AATF: variants seen among roughly 807,000 people sequenced by gnomAD.
AATF encodes protein AATF.
In AATF, 48 loss-of-function variants were observed where a neutral mutation model predicts 63.7. The ratio of observed to expected loss-of-function variants is 0.75; its 90% CI spans 0.60 to 0.96. The LOEUF (loss-of-function observed/expected upper bound fraction) is 0.96, where lower values mean the gene tolerates loss of function less well. Ranked by LOEUF, AATF falls within the 40% of genes least tolerant of loss-of-function variation. The pLI, the probability that AATF is intolerant of heterozygous loss-of-function variation, is 0.00. For missense variants in AATF, 639 were observed against 685.7 expected, an observed-to-expected ratio of 0.93 and a Z score of 0.76; for synonymous variants, 258 against 247.7, an observed-to-expected ratio of 1.04 and a Z score of -0.39.
chr17:37,002,384 C>T (rs2071305944), intron 8 of AATF, among the ~76,000 whole-genome samples: 4 of 151,898 alleles, frequency 2.6e-5, no homozygotes, highest in African/African-American at 9.7e-5. Context: ...AAAATAGCAT[C>T]TGGCTGGGCA....
At chr17:37,051,490 C>A (rs1002948000) in intron 11 of AATF, among the ~76,000 whole-genome samples, 1 of 152,072 alleles carries the variant, frequency 6.6e-6, no homozygotes, top group East Asian at 1.9e-4. Flanking sequence ...ACATGTGGAA[C>A]TGAAAGGAAC....
At chr17:36,984,425 C>G (rs540807326) in intron 4 of AATF, among the ~76,000 whole-genome samples, 2 of 152,278 alleles carry the variant, frequency 1.3e-5, no homozygotes, top group East Asian at 3.9e-4. Flanking sequence ...GAAAAAAGTT[C>G]TGTTTCTGAC....
intron 8 of AATF, among the ~76,000 whole-genome samples, chr17:37,002,253 C>T (rs1203254685): frequency 6.6e-6 from 1 of 150,400 alleles, no homozygotes; most frequent in South Asian, 2.1e-4. Flanking sequence ...ACTACTAGAG[C>T]TAATTAATAA....
intron 10 of AATF, among the ~76,000 whole-genome samples, chr17:37,024,108 T>G (rs2071493597): frequency 6.6e-6 from 1 of 152,196 alleles, no homozygotes; most frequent in Admixed American, 6.5e-5. Context: ...TGATTAAATC[T>G]GTGGATGCTG....
chr17:37,022,339 T>C (rs907731099), intron 10 of AATF, among the ~76,000 whole-genome samples: 4 of 152,240 alleles, frequency 2.6e-5, no homozygotes. Flanking sequence ...TTTTTAAAGA[T>C]CTTCAGAGAA....
At chr17:37,008,924 A>G (rs1415061714) in intron 8 of AATF, among the ~76,000 whole-genome samples, 1 of 152,226 alleles carries the variant, frequency 6.6e-6, no homozygotes, top group Non-Finnish European at 1.5e-5. Context: ...CTTGCAGTAA[A>G]AGGACCAACT....
intron 4 of AATF, among the ~76,000 whole-genome samples, chr17:36,984,781 C>T (rs1016523647): frequency 2.0e-5 from 3 of 151,682 alleles, no homozygotes; most frequent in African/African-American, 2.4e-5. Flanking sequence ...GACTATAGTG[C>T]GCACCATCAA....
chr17:36,956,054 C>T (rs1339048652), intron 4 of AATF, among the ~76,000 whole-genome samples: 1 of 152,102 alleles, frequency 6.6e-6, no homozygotes, highest in Non-Finnish European at 1.5e-5. Context: ...TGTGAGCCAC[C>T]ATACTCAACT....
At chr17:36,953,526 T>C (rs1038173719) in intron 3 of AATF, among the ~76,000 whole-genome samples, 1 of 152,228 alleles carries the variant, frequency 6.6e-6, no homozygotes, top group Non-Finnish European at 1.5e-5. Flanking sequence ...CTGGGGAAGA[T>C]TGAAGAGAAG....
At chr17:37,045,248 A>G (rs942493701) in intron 11 of AATF, among the ~76,000 whole-genome samples, 2 of 152,204 alleles carry the variant, frequency 1.3e-5, no homozygotes, top group African/African-American at 4.8e-5. Context: ...AGAACACTTT[A>G]TAAACATTAA....
Position 36,950,422 on chromosome 17 carries a change from G to A in AATF, c.283+17G>A. On this transcript the variant is annotated intron_variant, in intron 2 of 11. Coordinates refer to ENST00000619387, the MANE Select transcript of AATF (RefSeq NM_012138.4). ...GATCGTCTGGTGAGTAGACATTTTT[G>A]AATGGAACTCTTCTCTTCCCTAATT... The A allele has an allele frequency of 6.2e-7, 1 of 1,608,632 alleles. No homozygotes were observed. Among genetic ancestry groups the A allele is most frequent in the Middle Eastern group, 1.7e-4 (1 of 6,050 alleles).
intron 4 of AATF, among the ~76,000 whole-genome samples, chr17:36,962,790 A>G (rs1323099763): frequency 6.6e-6 from 1 of 152,182 alleles, no homozygotes; most frequent in Non-Finnish European, 1.5e-5. Context: ...TGTACATTTA[A>G]TTAACTCAAA....
At chr17:36,973,032 C>T (rs2071051497) in intron 4 of AATF, among the ~76,000 whole-genome samples, 2 of 152,196 alleles carry the variant, frequency 1.3e-5, no homozygotes, top group African/African-American at 2.4e-5. Flanking sequence ...CCCGCAGGAT[C>T]TGTGCATTAT....
intron 11 of AATF, among the ~76,000 whole-genome samples, chr17:37,037,748 G>A (rs372059386): frequency 1.3e-5 from 2 of 152,356 alleles, no homozygotes; most frequent in East Asian, 3.9e-4. Flanking sequence ...ATCTCATGTT[G>A]AAATGTAATC....
At chr17:36,950,858 A>C (rs1294965605) in intron 2 of AATF, among the ~76,000 whole-genome samples, 1 of 152,186 alleles carries the variant, frequency 6.6e-6, no homozygotes, top group South Asian at 2.1e-4. Context: ...CTCACCCTAC[A>C]GTGGAGTGAC....
chr17:37,001,148 G>A (rs181510695), intron 8 of AATF, among the ~76,000 whole-genome samples: 241 of 152,014 alleles, frequency 1.6e-3, no homozygotes, highest in Non-Finnish European at 2.8e-3. Context: ...GGGAGACCCC[G>A]TCTCTATAAA....
chr17:36,958,589 A>G (rs2070920950), intron 4 of AATF, among the ~76,000 whole-genome samples: 1 of 152,212 alleles, frequency 6.6e-6, no homozygotes, highest in Non-Finnish European at 1.5e-5. Context: ...ACTTTTCATT[A>G]TGGGATATAT....
At chr17:36,966,827 C>T (rs1419352742) in intron 4 of AATF, among the ~76,000 whole-genome samples, 2 of 152,084 alleles carry the variant, frequency 1.3e-5, no homozygotes, top group African/African-American at 4.8e-5. Flanking sequence ...TGATCTCAAA[C>T]TCCTGGCCTC....
At chr17:37,012,905 G>A (rs1471092850) in intron 8 of AATF, among the ~76,000 whole-genome samples, 4 of 152,112 alleles carry the variant, frequency 2.6e-5, no homozygotes, top group African/African-American at 9.7e-5. Context: ...CCTTTTAGAA[G>A]AAAACATAGG....
Sources: allele counts gnomAD v4.1 joint callset (sites outside exome capture counted in the v4.1 genomes callset), GRCh38; gene constraint gnomAD v4.1.1; transcripts MANE v1.5; gene names NCBI Gene and HGNC (gene_info 2026-07-23, HGNC 2026-07-21).